RNF121: variants seen among roughly 807,000 people sequenced by gnomAD.
RNF121 encodes E3 ubiquitin ligase RNF121.
A neutral mutation model predicts 46.5 loss-of-function variants in RNF121; 21 were observed. The observed-to-expected ratio is 0.45, with a 90% CI of 0.32 to 0.65. RNF121 has a LOEUF of 0.65. Ranked by LOEUF, RNF121 falls within the 30% of genes least tolerant of loss-of-function variation. The pLI is 0.04. For missense variants in RNF121, 346 were observed against 416.0 expected, an observed-to-expected ratio of 0.83 and a Z score of 1.46; for synonymous variants, 139 against 144.7, an observed-to-expected ratio of 0.96 and a Z score of 0.28.
intron 3 of RNF121, chr11:71,962,172 GT>G (rs1954152743): frequency 5.7e-6 from 1 of 176,598 alleles, no homozygotes; most frequent in Admixed American, 6.5e-5. Flanking sequence ...GTTTCACTGT[GT>G]TAGCCAGGAT....
chr11:71,970,210 G>A (rs1640776376), intron 3 of RNF121, among the ~76,000 whole-genome samples: 1 of 152,120 alleles, frequency 6.6e-6, no homozygotes, highest in African/African-American at 2.4e-5. Flanking sequence ...TGATGGCTAG[G>A]GAGTAGGGGG....
chr11:71,933,662 G>T (rs1455528550), intron 1 of RNF121, among the ~76,000 whole-genome samples: 1 of 152,182 alleles, frequency 6.6e-6, no homozygotes, highest in African/African-American at 2.4e-5. Flanking sequence ...CAGCCCGCTT[G>T]TACTTTGTCT....
chr11:71,929,661 C>G (rs1565134581), intron 1 of RNF121, among the ~76,000 whole-genome samples: 1 of 152,126 alleles, frequency 6.6e-6, no homozygotes, highest in Non-Finnish European at 1.5e-5. Context: ...AAAGTTTTGG[C>G]CAACGAATGA....
At position 71,997,154 on chromosome 11, in the gene RNF121, G is replaced by T. The variant is rs76430787; in HGVS notation, c.*839G>T. ...CAGTGGAGTGGTGACACGTGCCAGC[G>T]GTCACTCTGCCACATCACTTCCTTC... is the stretch of plus-strand genomic sequence containing the variant. On this transcript the variant is annotated 3_prime_UTR_variant, in exon 9 of 9. Transcript: ENST00000361756. 6.6e-6 allele frequency: 1 copy of T among 152,178 alleles called. No individual in the cohort carries two copies. Among genetic ancestry groups the T allele is most frequent in the Non-Finnish European group, 1.5e-5 (1 of 68,044 alleles). 9.4% of individuals were successfully genotyped at this position (152,178 alleles called of 1,614,324 possible).
At chr11:71,936,053 T>C (rs915070683) in intron 1 of RNF121, among the ~76,000 whole-genome samples, 1 of 151,836 alleles carries the variant, frequency 6.6e-6, no homozygotes, top group African/African-American at 2.4e-5. Context: ...TTCACCGTGT[T>C]AGCCAGGACG....
chr11:71,945,557 T>C (rs936746985), intron 1 of RNF121, among the ~76,000 whole-genome samples: 1 of 152,202 alleles, frequency 6.6e-6, no homozygotes, highest in African/African-American at 2.4e-5. Context: ...AAGTAAGTCA[T>C]TTATCCTTGT....
intron 1 of RNF121, among the ~76,000 whole-genome samples, chr11:71,937,176 C>T (rs1006144381): frequency 2.0e-5 from 3 of 152,204 alleles, no homozygotes; most frequent in Non-Finnish European, 4.4e-5. Flanking sequence ...CAGCACTTAC[C>T]ATGTCGTATT....
chr11:71,956,602 AG>A (rs1953997324), intron 1 of RNF121, among the ~76,000 whole-genome samples: 1 of 152,258 alleles, frequency 6.6e-6, no homozygotes, highest in Non-Finnish European at 1.5e-5. Context: ...CAGTTTGCCC[AG>A]GTCCAGTGTA....
At chr11:71,936,458 C>T (rs901104089) in intron 1 of RNF121, among the ~76,000 whole-genome samples, 51 of 151,818 alleles carry the variant, frequency 3.4e-4, no homozygotes, top group Admixed American at 5.9e-4. Context: ...GGCACGATCT[C>T]GGCTCACTGC....
At chr11:71,975,313 C>G (rs1357944956) in intron 3 of RNF121, among the ~76,000 whole-genome samples, 2 of 152,214 alleles carry the variant, frequency 1.3e-5, no homozygotes, top group East Asian at 3.8e-4. Context: ...CTTTATCAGC[C>G]TCCTTTGAGT....
intron 1 of RNF121, among the ~76,000 whole-genome samples, chr11:71,946,125 A>G (rs1032962800): frequency 6.6e-6 from 1 of 152,074 alleles, no homozygotes; most frequent in Non-Finnish European, 1.5e-5. Context: ...AAGAAAAGAA[A>G]AGAAAAGAAA....
intron 1 of RNF121, among the ~76,000 whole-genome samples, chr11:71,935,459 C>G (rs904742043): frequency 6.6e-6 from 1 of 152,204 alleles, no homozygotes; most frequent in African/African-American, 2.4e-5. Context: ...CCATCCTGTT[C>G]TATGCTAGAC....
chr11:71,982,670 A>G, intron 3 of RNF121, 91 bp from the exon 4 acceptor site: 8 of 1,400,914 alleles, frequency 5.7e-6, no homozygotes, highest in Middle Eastern at 2.2e-4. Context: ...GAGAGGATCA[A>G]GCTAAAATAG....
chr11:71,932,328 G>A lies in RNF121; in HGVS notation c.63+3204G>A, dbSNP rs112128033. Among the ~76,000 whole-genome samples the A allele has an allele frequency of 1.5e-3, 222 of 152,368 alleles. 1 individual carries two copies. Among genetic ancestry groups the A allele is most frequent in the African/African-American group, 5.1e-3 (213 of 41,590 alleles). Reference sequence around the variant, plus strand: ...CATTTTATAAATGAAACTGAGGCTAGAGAGGCTAAAGAACTTTCCTAGGAT... The same window carrying A: ...CATTTTATAAATGAAACTGAGGCTAAAGAGGCTAAAGAACTTTCCTAGGAT... On this transcript the variant is annotated intron_variant, in intron 1 of 8. Coordinates refer to ENST00000361756, the MANE Select transcript of RNF121 (RefSeq NM_018320.5).
At chr11:71,970,320 A>G (rs1482883373) in intron 3 of RNF121, among the ~76,000 whole-genome samples, 3 of 152,210 alleles carry the variant, frequency 2.0e-5, no homozygotes, top group Non-Finnish European at 2.9e-5. Flanking sequence ...ATTGAACTGT[A>G]TACTCAAAGA....
intron 3 of RNF121, chr11:71,978,233 C>G (rs1200827286): frequency 4.4e-6 from 2 of 450,242 alleles, no homozygotes; most frequent in Admixed American, 4.8e-5. Flanking sequence ...ATAAAGAAAC[C>G]AGGTAACTTC....
intron 1 of RNF121, among the ~76,000 whole-genome samples, chr11:71,944,161 G>A (rs1223697087): frequency 4.6e-5 from 7 of 151,974 alleles, no homozygotes; most frequent in African/African-American, 1.5e-4. Context: ...ATGAAACCCC[G>A]TCTCTACTAA....
chr11:71,986,044 G>T (rs1428636583), intron 4 of RNF121, among the ~76,000 whole-genome samples: 1 of 152,080 alleles, frequency 6.6e-6, no homozygotes, highest in Admixed American at 6.5e-5. Context: ...GGCTCCTGGG[G>T]CACACTACTC....
rs555487586 is a variant in RNF121 at position 71,943,841 on chromosome 11, T to A, written c.64-13386T>A. ...GGAGCAGCATGTGCAAGGTGGGAGG[T>A]GAGAAAGAGAATGCCACCTTCAGGG... is the stretch of plus-strand genomic sequence containing the variant. On this transcript the variant is annotated intron_variant, in intron 1 of 8. Transcript: ENST00000361756. 4.0e-5 allele frequency among the ~76,000 whole-genome samples: 6 copies of A among 150,990 alleles called. No homozygotes were observed. The East Asian group carries it at 1.2e-3, about 29-fold the overall frequency.
Sources: allele counts gnomAD v4.1 joint callset (sites outside exome capture counted in the v4.1 genomes callset), GRCh38; gene constraint gnomAD v4.1.1; transcripts MANE v1.5; gene names NCBI Gene and HGNC (gene_info 2026-07-23, HGNC 2026-07-21).